Variants in NRXN3 observed in about 807,000 individuals in gnomAD.
NRXN3 encodes the protein neurexin III.
Under a neutral mutation model 137.6 loss-of-function variants are expected in NRXN3, and 32 were observed. The ratio of observed to expected loss-of-function variants is 0.23; its 90% CI spans 0.18 to 0.31. The LOEUF (loss-of-function observed/expected upper bound fraction) is 0.31, where lower values mean the gene tolerates loss of function less well. Among genes scored for constraint, NRXN3 ranks in the 10% least tolerant of loss-of-function variants. NRXN3 has a pLI of 1.00. For synonymous variants in NRXN3, 798 were observed against 784.5 expected (o/e 1.02, Z -0.29); for missense variants, 1,574 against 2,062.5 (o/e 0.76, Z 4.59).
At chr14:78,821,753 A>G (rs2098951503) in intron 10 of NRXN3, among the ~76,000 whole-genome samples, 2 of 152,130 alleles carry the variant, frequency 1.3e-5, no homozygotes, top group African/African-American at 2.4e-5. Flanking sequence ...AAGGATTACC[A>G]TTTCCTTACA....
At position 78,645,331 on chromosome 14, in the gene NRXN3, C is replaced by T. The variant is rs910065793; in HGVS notation, c.969C>T (p.Ser323=). Residue 323 remains serine, a synonymous_variant, in exon 5 of 21, where the codon TCC becomes TCT. Transcript: ENST00000335750. The stretch of plus-strand genomic sequence containing the variant: ...TCTCCTTGGTCATTAACCTGGGGTC[C>T]GGGGCCTTTGAGGCCATTGTGGAGC... ...GAVSLVINLG[S]GAFEAIVEPV... 19 of 1,598,562 alleles carry T rather than the reference C, an allele frequency of 1.2e-5. No homozygotes were observed. Among genetic ancestry groups the T allele is most frequent in the South Asian group, 3.3e-5 (3 of 90,992 alleles).
At chr14:79,388,746 G>C (rs529999222) in intron 15 of NRXN3, among the ~76,000 whole-genome samples, 1 of 152,056 alleles carries the variant, frequency 6.6e-6, no homozygotes, top group Non-Finnish European at 1.5e-5. Flanking sequence ...TCTTTTTGGC[G>C]GTGAGATGGT....
At chr14:78,359,463 T>G (rs2153603725) in intron 4 of NRXN3, among the ~76,000 whole-genome samples, 1 of 152,342 alleles carries the variant, frequency 6.6e-6, no homozygotes, top group South Asian at 2.1e-4. Flanking sequence ...CTTAAAATTC[T>G]TAATAATTTT....
At chr14:79,511,123 C>G (rs1172663249) in intron 16 of NRXN3, among the ~76,000 whole-genome samples, 1 of 152,118 alleles carries the variant, frequency 6.6e-6, no homozygotes, top group Non-Finnish European at 1.5e-5. Flanking sequence ...AAAAACGGAC[C>G]CAGCTCTACT....
intron 16 of NRXN3, among the ~76,000 whole-genome samples, chr14:79,468,184 T>C (rs2096455245): frequency 1.3e-5 from 2 of 152,228 alleles, no homozygotes; most frequent in Non-Finnish European, 2.9e-5. Flanking sequence ...CTGTAGATCA[T>C]AAGAACACAG....
chr14:78,845,876 G>T (rs996779526), intron 10 of NRXN3, among the ~76,000 whole-genome samples: 2 of 151,348 alleles, frequency 1.3e-5, no homozygotes, highest in Admixed American at 6.6e-5. Flanking sequence ...AAGATGTTAA[G>T]ATATTTCAGG....
chr14:78,895,047 A>T (rs1295555018), intron 10 of NRXN3, among the ~76,000 whole-genome samples: 3 of 151,690 alleles, frequency 2.0e-5, no homozygotes, highest in Non-Finnish European at 2.9e-5. Context: ...GGGCCCTAGG[A>T]TTTTTTGAAT....
At chr14:78,586,809 G>T (rs2097068157) in intron 4 of NRXN3, among the ~76,000 whole-genome samples, 1 of 152,184 alleles carries the variant, frequency 6.6e-6, no homozygotes, top group Non-Finnish European at 1.5e-5. Flanking sequence ...GAAAGCTTTT[G>T]AGCAAACGGC....
chr14:79,098,706 T>C (rs1005150316), intron 15 of NRXN3, among the ~76,000 whole-genome samples: 1 of 152,184 alleles, frequency 6.6e-6, no homozygotes, highest in Non-Finnish European at 1.5e-5. Flanking sequence ...GATGCCACAA[T>C]GGTGCCTGCA....
At chr14:78,578,266 T>G (rs2096957082) in intron 4 of NRXN3, among the ~76,000 whole-genome samples, 1 of 152,204 alleles carries the variant, frequency 6.6e-6, no homozygotes. Context: ...AAAGGTAAGC[T>G]CTGCAGAATT....
At chr14:79,488,534 C>T (rs1006980855) in intron 16 of NRXN3, among the ~76,000 whole-genome samples, 11 of 152,046 alleles carry the variant, frequency 7.2e-5, no homozygotes, top group African/African-American at 2.4e-4. Flanking sequence ...TAAAATTAAC[C>T]AAGCTGGGGC....
intron 19 of NRXN3, among the ~76,000 whole-genome samples, chr14:79,773,830 C>CAA (rs548801820): frequency 7.9e-6 from 1 of 126,770 alleles, no homozygotes; most frequent in African/African-American, 2.9e-5. Flanking sequence ...AATAAAAATA[C>CAA]AAAAAAAAAA....
intron 19 of NRXN3, among the ~76,000 whole-genome samples, chr14:79,719,246 C>T (rs1279136667): frequency 1.5e-5 from 1 of 66,888 alleles, no homozygotes; most frequent in Admixed American, 2.1e-4. Context: ...TCATCATAGA[C>T]ATATATGTGT....
intron 10 of NRXN3, among the ~76,000 whole-genome samples, chr14:78,901,145 A>G (rs1284410897): frequency 6.6e-6 from 1 of 151,998 alleles, no homozygotes; most frequent in Admixed American, 6.6e-5. Flanking sequence ...TGCCTTATTC[A>G]TCAATTCATT....
chr14:79,643,360 C>T (rs538888686), intron 16 of NRXN3, among the ~76,000 whole-genome samples: 1 of 135,828 alleles, frequency 7.4e-6, no homozygotes, highest in African/African-American at 2.4e-5. Flanking sequence ...TCCTTGGCCT[C>T]CTGCCCTTTT....
intron 15 of NRXN3, among the ~76,000 whole-genome samples, chr14:79,160,502 G>T (rs1280897076): frequency 1.3e-5 from 2 of 152,012 alleles, no homozygotes; most frequent in Admixed American, 6.6e-5. Context: ...TCTGAAATCT[G>T]TCACCATAAA....
At chr14:79,708,893 G>C (rs913712148) in intron 19 of NRXN3, among the ~76,000 whole-genome samples, 14 of 152,146 alleles carry the variant, frequency 9.2e-5, no homozygotes, top group Non-Finnish European at 1.5e-4. Flanking sequence ...CAGTCACTGA[G>C]AGAATTACTT....
intron 1 of NRXN3, among the ~76,000 whole-genome samples, chr14:78,188,555 C>A (rs960994351): frequency 8.5e-5 from 13 of 152,156 alleles, no homozygotes; most frequent in African/African-American, 3.1e-4. Flanking sequence ...AGGACAATTG[C>A]AGATCTTGTA....
In NRXN3 at chr14:79,038,489, G is replaced by A. The variant is rs573332368; in HGVS notation, c.3262+50348G>A. Reference sequence around the variant, plus strand: ...TGGCTATTCAGTTAAAAATAATAGAGTTTAGATTTCTTTGTAGGACCAAAA... The same window carrying A: ...TGGCTATTCAGTTAAAAATAATAGAATTTAGATTTCTTTGTAGGACCAAAA... On this transcript the variant is annotated intron_variant, in intron 15 of 20. Coordinates refer to ENST00000335750, the MANE Select transcript of NRXN3 (RefSeq NM_001330195.2). Among the ~76,000 whole-genome samples, 67 of 152,134 alleles carry A rather than the reference G, an allele frequency of 4.4e-4. No individual in the cohort carries two copies. The East Asian group carries it at 4.8e-3, about 11-fold the overall frequency.
Sources: allele counts gnomAD v4.1 joint callset (sites outside exome capture counted in the v4.1 genomes callset), GRCh38; gene constraint gnomAD v4.1.1; transcripts MANE v1.5; gene names NCBI Gene and HGNC (gene_info 2026-07-23, HGNC 2026-07-21).